FN1: variants seen among roughly 807,000 people sequenced by gnomAD.
FN1 encodes the protein fibronectin 1.
In FN1, 106 loss-of-function variants were observed where a neutral mutation model predicts 297.3. The observed-to-expected ratio is 0.36, with a 90% confidence interval of 0.30 to 0.42. The LOEUF is 0.42. FN1 is among the 10% of genes least tolerant of loss of function. The pLI, the probability that FN1 is intolerant of heterozygous loss-of-function variation, is 1.00. For missense variants in FN1, 2,690 were observed against 3,124.9 expected, an observed-to-expected ratio of 0.86 and a Z score of 3.32; for synonymous variants, 1,149 against 1,152.6, an observed-to-expected ratio of 1.00 and a Z score of 0.06.
Position 215,365,558 on chromosome 2 carries a change from A to G in FN1, c.7091T>C (p.Met2364Thr). 1 of 1,614,088 alleles carries G rather than the reference A, an allele frequency of 6.2e-7. No individual in the cohort carries two copies. Among genetic ancestry groups the G allele is most frequent in the South Asian group, 1.1e-5 (1 of 91,086 alleles). ...GTTCCCAAGACATGTGCAGCTCATC[A>G]TCTGGCCATTTTCTCCCTGACGGTC... is the stretch of plus-strand genomic sequence containing the variant. ...KWDRQGENGQ[M>T]MSCTCLGNGK... The change falls in exon 43 of 46, where the codon ATG becomes ACG. Residue 2364 changes from methionine (M) to threonine (T), a missense_variant. By Grantham distance (81) the Met-to-Thr change is moderately conservative. Coordinates refer to ENST00000354785, the MANE Select transcript of FN1 (RefSeq NM_212482.4).
In FN1 at chr2:215,435,686, G is replaced by A; in HGVS notation, c.117C>T (p.Pro39=). 1.9e-6 allele frequency: 3 copies of A among 1,613,398 alleles called. No homozygotes were observed. The highest frequency in any genetic ancestry group is 2.5e-6 in the Non-Finnish European group (3 of 1,179,926). Residue 39 remains proline (P), a synonymous_variant, in exon 1 of 46, where the codon CCC becomes CCT. Transcript: ENST00000354785. ...SKRQAQQMVQ[P]QSPVAVSQSK... ...TTTGACTGACAGCCACCGGGGACTG[G>A]GGCTGAACCATTTGCTGAGCCTGCC... is the stretch of plus-strand genomic sequence containing the variant.
intron 40 of FN1, among the ~76,000 whole-genome samples, chr2:215,371,131 G>T (rs1051937996): frequency 6.6e-6 from 1 of 152,014 alleles, no homozygotes; most frequent in Non-Finnish European, 1.5e-5. Context: ...AGCTGGGTGC[G>T]GTGGCACATG....
At chr2:215,425,933 A>G (rs959629584) in intron 6 of FN1, among the ~76,000 whole-genome samples, 3 of 151,942 alleles carry the variant, frequency 2.0e-5, no homozygotes, top group Admixed American at 6.6e-5. Flanking sequence ...TACCTTCAAC[A>G]CATCCTCACT....
In FN1 at chr2:215,382,216, T is replaced by C. The variant is rs1351116391; in HGVS notation, c.5160A>G (p.Val1720=). 1.9e-6 allele frequency: 3 copies of C among 1,607,120 alleles called. No homozygotes were observed. Among genetic ancestry groups the C allele is most frequent in the African/African-American group, 2.7e-5 (2 of 74,820 alleles). Reference sequence around the variant, plus strand: ...AACCAAGCAGTGGTTACGTACTGGTTACTGCAGTCTGAACCAGAGGCTGAC... The same window carrying C: ...AACCAAGCAGTGGTTACGTACTGGTCACTGCAGTCTGAACCAGAGGCTGAC... The part of the protein sequence containing the change: ...GESQPLVQTA[V]TNIDRPKGLA... The change falls in exon 32 of 46, where the codon GTA becomes GTG. Residue 1720 remains valine, a synonymous_variant. Coordinates refer to ENST00000354785, the MANE Select transcript of FN1 (RefSeq NM_212482.4).
At position 215,419,234 on chromosome 2, in the gene FN1, C is replaced by A. The variant is rs757788360; in HGVS notation, c.1819+8G>T. 1.2e-6 allele frequency: 2 copies of A among 1,613,522 alleles called. No individual in the cohort carries two copies. Among genetic ancestry groups the A allele is most frequent in the Admixed American group, 1.7e-5 (1 of 60,004 alleles). The stretch of plus-strand genomic sequence containing the variant: ...CAGTTCTCAACTTGCAGTAATAGAG[C>A]TACTTACTTGGATAGGTCTGTAAAG... On this transcript the variant is annotated splice_region_variant and intron_variant, in intron 12 of 45. Coordinates refer to ENST00000354785, the MANE Select transcript of FN1 (RefSeq NM_212482.4).
chr2:215,363,455 T>C (rs1575159946), intron 44 of FN1: 1 of 152,158 alleles, frequency 6.6e-6, no homozygotes, highest in Non-Finnish European at 1.5e-5. Context: ...TCCATCAGAA[T>C]TGGGAGCACC....
chr2:215,426,180 A>G (rs1426015058), intron 6 of FN1, among the ~76,000 whole-genome samples: 5 of 118,518 alleles, frequency 4.2e-5, no homozygotes, highest in South Asian at 2.8e-4. Flanking sequence ...ACGGAGTCTC[A>G]CTCTGTCACC....
chr2:215,419,274 T>C lies in FN1; in HGVS notation c.1787A>G (p.Glu596Gly). The change falls in exon 12 of 46, where the codon GAG (glutamate) becomes GGG (glycine). Residue 596 changes from glutamate (E) to glycine (G), a missense_variant. This residue lies in a region of FN1 where 876 missense variants were observed against 1,058.1 expected (regional missense o/e 0.83). Transcript: ENST00000354785. ...GGTCTGTAAAGGTTGGCAATGCCAC[T>C]CCCCAATGCCACGGCCATAGCAGTA... ...QCYCYGRGIG[E>G]WHCQPLQTYP... 6.2e-7 allele frequency: 1 copy of C among 1,613,876 alleles called. No individual in the cohort carries two copies. The highest frequency in any genetic ancestry group is 2.2e-5 in the East Asian group (1 of 44,880).
intron 38 of FN1, among the ~76,000 whole-genome samples, chr2:215,373,898 G>A (rs1239093618): frequency 2.0e-5 from 3 of 151,940 alleles, no homozygotes; most frequent in Non-Finnish European, 4.4e-5. Context: ...TAGCCAGGAT[G>A]GTCTCGATCT....
intron 20 of FN1, among the ~76,000 whole-genome samples, chr2:215,400,873 G>A (rs62202761): frequency 0.58 from 87,074 of 149,484 alleles, 25,653 homozygotes; most frequent in East Asian, 0.93. Flanking sequence ...TCATCTCACT[G>A]TAACCTCAGC....
Position 215,435,742 on chromosome 2 carries a change from C to T in FN1, c.61G>A (p.Val21Met), listed in dbSNP as rs908454538. The T allele has an allele frequency of 1.2e-6, 2 of 1,605,000 alleles. No homozygotes were observed. Among genetic ancestry groups the T allele is most frequent in the Admixed American group, 1.7e-5 (1 of 59,132 alleles). The part of the protein sequence containing the change: ...LLAVQCLGTA[V>M]PSTGASKSKR... ...CTCTTCGAGGCTCCCGTGGAGGGCA[C>T]CGCTGTCCCCAGGCACTGGACGGCC... The change falls in exon 1 of 46, where the codon GTG becomes ATG. Residue 21 changes from valine to methionine, a missense_variant. Val to Met is a conservative substitution (Grantham distance 21, BLOSUM62 1). Coordinates refer to ENST00000354785, the MANE Select transcript of FN1 (RefSeq NM_212482.4).
chr2:215,393,158 G>A lies in FN1; in HGVS notation c.3842C>T (p.Ser1281Leu). 6.2e-7 allele frequency: 1 copy of A among 1,613,976 alleles called. No individual in the cohort carries two copies. Among genetic ancestry groups the A allele is most frequent in the Non-Finnish European group, 8.5e-7 (1 of 1,179,988 alleles). ...CGGGGTCCACCTCAGGCCGATGCTT[G>A]AATCGGTTATATCAACAAAGCTTAG... Reference protein sequence around the residue: ...TDLSFVDITDSSIGLRWTPLN... With the variant: ...TDLSFVDITDLSIGLRWTPLN... Residue 1281 changes from serine (S) to leucine (L), a missense_variant, in exon 25 of 46, where the codon TCA becomes TTA. This residue lies in a region of FN1 where 1,743 missense variants were observed against 1,945.2 expected (regional missense o/e 0.90). Transcript: ENST00000354785.
rs11897708 is a variant in FN1, at chr2:215,417,157, T to C, written c.1819+2085A>G. On this transcript the variant is annotated intron_variant, in intron 12 of 45. Coordinates refer to ENST00000354785, the MANE Select transcript of FN1 (RefSeq NM_212482.4). ...TCTTTTACATTATTTAGATTTAAAC[T>C]TTTGACAGTCCTTTTTCGCTACTGG... Among the ~76,000 whole-genome samples, 438 of 152,320 alleles carry C rather than the reference T, an allele frequency of 2.9e-3. 15 individuals are homozygous for C. The East Asian group carries it at 0.074, about 26-fold the overall frequency.
rs2056284487 is a variant in FN1, at chr2:215,372,026, A to G, written c.6597T>C (p.Asn2199=). The part of the protein sequence containing the change: ...LYPHGPGLNP[N]ASTGQEALSQ... The stretch of plus-strand genomic sequence containing the variant: ...AGAGAGCTTCTTGTCCTGTAGAGGC[A>G]TTTGGATTGAGTCCCGGACCGTGTG... The change falls in exon 40 of 46, where the codon AAT becomes AAC. Residue 2199 remains asparagine, a synonymous_variant. Transcript: ENST00000354785. 1 of 1,614,230 alleles carries G rather than the reference A, an allele frequency of 6.2e-7. No individual in the cohort carries two copies. The highest frequency in any genetic ancestry group is 2.2e-5 in the East Asian group (1 of 44,888).
rs886181869 is a variant in FN1, at chr2:215,435,770, C to G, written c.33G>C (p.Leu11=). The G allele has an allele frequency of 6.3e-7, 1 of 1,584,968 alleles. No individual in the cohort carries two copies. Among genetic ancestry groups the G allele is most frequent in the Non-Finnish European group, 8.6e-7 (1 of 1,167,236 alleles). The change falls in exon 1 of 46, where the codon CTG becomes CTC. Residue 11 remains leucine (L), a synonymous_variant. Coordinates refer to ENST00000354785, the MANE Select transcript of FN1 (RefSeq NM_212482.4). MLRGPGPGLL[L]LAVQCLGTAV... Reference sequence around the variant, plus strand: ...CTGTCCCCAGGCACTGGACGGCCAGCAGCAGCAGCCCGGGCCCCGGACCCC... The same window carrying G: ...CTGTCCCCAGGCACTGGACGGCCAGGAGCAGCAGCCCGGGCCCCGGACCCC...
chr2:215,407,958 A>G lies in FN1; in HGVS notation c.2518+150T>C, dbSNP rs1488360271. On this transcript the variant is annotated intron_variant, in intron 17 of 45. Coordinates refer to ENST00000354785, the MANE Select transcript of FN1 (RefSeq NM_212482.4). ...AAAATAACTCCCCCACCCCCGCCAC[A>G]CACACACACACACACACACACAAAC... 49 of 92,270 alleles carry G rather than the reference A, an allele frequency of 5.3e-4. No homozygotes were observed. In the East Asian group the frequency reaches 0.011, roughly 22 times the overall value. The allele number at this position is 92,270 out of a possible 1,614,324, so 5.7% of individuals were successfully genotyped here.
In FN1 at chr2:215,376,035, C is replaced by T. The variant is rs576553468; in HGVS notation, c.5888-317G>A. ...ATTGAGGTTTTCTCTTTACCGTAAT[C>T]AGATGGTCAATAGTTGAGCCTTGGA... is the stretch of plus-strand genomic sequence containing the variant. On this transcript the variant is annotated intron_variant, in intron 36 of 45. Transcript: ENST00000354785. Among the ~76,000 whole-genome samples, 3 of 152,268 alleles carry T rather than the reference C, an allele frequency of 2.0e-5. No homozygotes were observed. The East Asian group carries it at 5.8e-4, about 29-fold the overall frequency.
At chr2:215,413,096 AG>A (rs1351922256) in intron 13 of FN1, among the ~76,000 whole-genome samples, 2 of 152,164 alleles carry the variant, frequency 1.3e-5, no homozygotes, top group Non-Finnish European at 2.9e-5. Flanking sequence ...TGCTTCGTAT[AG>A]GAATTATTGC....
chr2:215,379,018 T>C (rs2057787347), intron 34 of FN1, 112 bp downstream of exon 34: 1 of 997,100 alleles, frequency 1.0e-6, no homozygotes, highest in Non-Finnish European at 1.6e-6. Context: ...GATTATTTGA[T>C]GCAGAGGAAA....
Sources: allele counts gnomAD v4.1 joint callset (sites outside exome capture counted in the v4.1 genomes callset), GRCh38; gene constraint gnomAD v4.1.1; regional missense constraint gnomAD v4.1.1; transcripts MANE v1.5; gene names NCBI Gene and HGNC (gene_info 2026-07-23, HGNC 2026-07-21).